The following ATXN1 variants were observed in gnomAD, a reference collection of about 807,000 sequenced individuals.
ATXN1 encodes the protein ataxin-1.
Under a neutral mutation model 56.4 loss-of-function variants are expected in ATXN1, and 8 were observed. The ratio of observed to expected loss-of-function variants is 0.14; its 90% CI spans 0.08 to 0.26. ATXN1 has a LOEUF of 0.26. ATXN1 is among the 10% of genes least tolerant of loss of function. ATXN1 has a pLI of 1.00. For missense variants in ATXN1, 987 were observed against 1,106.5 expected, an observed-to-expected ratio of 0.89 and a Z score of 1.53; for synonymous variants, 514 against 494.6, an observed-to-expected ratio of 1.04 and a Z score of -0.52.
chr6:16,464,928 A>C (rs898770621), intron 6 of ATXN1, among the ~76,000 whole-genome samples: 1 of 152,224 alleles, frequency 6.6e-6, no homozygotes, highest in Non-Finnish European at 1.5e-5. Flanking sequence ...GTTCAATTTC[A>C]ACAAATGTAA....
rs771089631 is a variant in ATXN1 at position 16,319,483 on chromosome 6, A to AG, written c.1917+6910dup. Among the ~76,000 whole-genome samples the AG allele has an allele frequency of 1.1e-3, 166 of 152,330 alleles. 2 individuals carry two copies. Among genetic ancestry groups the AG allele is most frequent in the Admixed American group, 9.8e-4 (15 of 15,302 alleles). On this transcript the variant is annotated intron_variant, in intron 7 of 7. Transcript: ENST00000436367. ...AATAGTTGATGCATAAGGGATTTTT[A>AG]GGGTGGTACAGCTGTTCTGTATAAT...
intron 6 of ATXN1, among the ~76,000 whole-genome samples, chr6:16,343,501 G>A (rs75031674): frequency 0.038 from 5,783 of 152,196 alleles, 189 homozygotes; most frequent in Non-Finnish European, 0.061. Context: ...AGGACTGGAC[G>A]TCAGGGCATC....
chr6:16,341,318 T>C (rs1761242149), intron 6 of ATXN1, among the ~76,000 whole-genome samples: 1 of 152,028 alleles, frequency 6.6e-6, no homozygotes, highest in African/African-American at 2.4e-5. Flanking sequence ...GGCCATACTC[T>C]CTCACCTGCA....
chr6:16,452,021 A>C (rs1332876717), intron 6 of ATXN1, among the ~76,000 whole-genome samples: 1 of 152,154 alleles, frequency 6.6e-6, no homozygotes, highest in African/African-American at 2.4e-5. Context: ...AGGCGTCCGA[A>C]TGTCAGGCCG....
intron 6 of ATXN1, among the ~76,000 whole-genome samples, chr6:16,446,425 T>C (rs192320242): frequency 5.1e-4 from 78 of 152,350 alleles, no homozygotes; most frequent in South Asian, 1.2e-3. Context: ...TCCCACAGCC[T>C]TCCTTTGGGG....
intron 4 of ATXN1, among the ~76,000 whole-genome samples, chr6:16,530,577 A>C (rs1761484377): frequency 6.6e-6 from 1 of 152,054 alleles, no homozygotes; most frequent in African/African-American, 2.4e-5. Context: ...TTTACTTAAG[A>C]GAACATCTAC....
At chr6:16,710,662 A>C (rs1162876262) in intron 2 of ATXN1, among the ~76,000 whole-genome samples, 1 of 152,182 alleles carries the variant, frequency 6.6e-6, no homozygotes, top group Non-Finnish European at 1.5e-5. Flanking sequence ...ATCACAGCTC[A>C]CTGTAGCCTC....
At chr6:16,524,254 G>T (rs1394515260) in intron 4 of ATXN1, among the ~76,000 whole-genome samples, 1 of 152,170 alleles carries the variant, frequency 6.6e-6, no homozygotes, top group Non-Finnish European at 1.5e-5. Context: ...CACTTACTAT[G>T]CAGTCAGACT....
chr6:16,620,685 G>GC lies in ATXN1; in HGVS notation c.-488-34779dup, dbSNP rs201138642. ...GTTGATCATCAGTTGGCCCATATAT[G>GC]CCCCCCCAAAAGGCTTTAGCCCTCC... On this transcript the variant is annotated intron_variant, in intron 3 of 7. Transcript: ENST00000436367. 7.4e-3 allele frequency among the ~76,000 whole-genome samples: 1,130 copies of GC among 152,260 alleles called. 15 individuals carry two copies. Among genetic ancestry groups the GC allele is most frequent in the African/African-American group, 0.026 (1,072 of 41,552 alleles).
At chr6:16,442,494 AAC>A (rs1759538977) in intron 6 of ATXN1, among the ~76,000 whole-genome samples, 1 of 152,218 alleles carries the variant, frequency 6.6e-6, no homozygotes, top group Non-Finnish European at 1.5e-5. Context: ...ATTAAAAAAA[AAC>A]ACGCGGGAAG....
chr6:16,707,428 T>C (rs1759431125), intron 2 of ATXN1, among the ~76,000 whole-genome samples: 1 of 152,222 alleles, frequency 6.6e-6, no homozygotes. Context: ...CCCACTCTAC[T>C]GCCACTACTC....
intron 3 of ATXN1, among the ~76,000 whole-genome samples, chr6:16,626,680 C>A (rs1282864333): frequency 6.6e-6 from 1 of 152,168 alleles, no homozygotes; most frequent in Non-Finnish European, 1.5e-5. Context: ...CACAACCACT[C>A]AAAATTCATG....
intron 3 of ATXN1, among the ~76,000 whole-genome samples, chr6:16,599,702 T>C (rs1400178106): frequency 3.7e-5 from 5 of 136,406 alleles, no homozygotes; most frequent in African/African-American, 8.4e-5. Context: ...AGAGTGAAAC[T>C]CCGTCTCAAA....
intron 5 of ATXN1, among the ~76,000 whole-genome samples, chr6:16,492,738 C>G (rs1340745088): frequency 6.6e-6 from 1 of 152,120 alleles, no homozygotes; most frequent in Non-Finnish European, 1.5e-5. Flanking sequence ...TTTCCTAAGG[C>G]TATCTGCTCA....
chr6:16,648,018 T>G (rs1336952057), intron 3 of ATXN1, among the ~76,000 whole-genome samples: 1 of 152,180 alleles, frequency 6.6e-6, no homozygotes, highest in African/African-American at 2.4e-5. Context: ...GAGGCTGCAG[T>G]GAGCCGAAAT....
rs1486693866 is a variant in ATXN1 at position 16,526,968 on chromosome 6, G to A, written c.-360-4280C>T. Reference sequence around the variant, plus strand: ...CAGAGGAAAGTTAACTGAAAAAACTGTATGATCTTGAGTGATCCTAGAAAT... The same window carrying A: ...CAGAGGAAAGTTAACTGAAAAAACTATATGATCTTGAGTGATCCTAGAAAT... On this transcript the variant is annotated intron_variant, in intron 4 of 7. Transcript: ENST00000436367. Among the ~76,000 whole-genome samples the A allele has an allele frequency of 2.0e-5, 3 of 148,512 alleles. No homozygotes were observed. The East Asian group carries it at 6.0e-4, about 30-fold the overall frequency.
rs113492691 is a variant in ATXN1, at chr6:16,691,945, G to A, written c.-614-34044C>T. On this transcript the variant is annotated intron_variant, in intron 2 of 7. Coordinates refer to ENST00000436367, the MANE Select transcript of ATXN1 (RefSeq NM_001128164.2). Reference sequence around the variant, plus strand: ...CCACCATGTGAGGATACACAGAGAAGGTGCCATCTGTGAGCCTTAGAACAA... The same window carrying A: ...CCACCATGTGAGGATACACAGAGAAAGTGCCATCTGTGAGCCTTAGAACAA... Among the ~76,000 whole-genome samples the A allele has an allele frequency of 2.1e-3, 316 of 152,360 alleles. 1 individual carries two copies. Among genetic ancestry groups the A allele is most frequent in the Admixed American group, 6.4e-3 (98 of 15,304 alleles).
At chr6:16,498,378 T>G (rs1760818031) in intron 5 of ATXN1, among the ~76,000 whole-genome samples, 1 of 152,214 alleles carries the variant, frequency 6.6e-6, no homozygotes, top group African/African-American at 2.4e-5. Context: ...ATTTTGTTAT[T>G]TATTCGTCAG....
chr6:16,633,748 G>A (rs1422452689), intron 3 of ATXN1, among the ~76,000 whole-genome samples: 2 of 152,152 alleles, frequency 1.3e-5, no homozygotes, highest in Admixed American at 6.5e-5. Flanking sequence ...CCAAGGCTCC[G>A]AGCTAATTAA....
Sources: allele counts gnomAD v4.1 joint callset (sites outside exome capture counted in the v4.1 genomes callset), GRCh38; gene constraint gnomAD v4.1.1; transcripts MANE v1.5; gene names NCBI Gene and HGNC (gene_info 2026-07-23, HGNC 2026-07-21).